NKAIN3: variants seen among roughly 807,000 people sequenced by gnomAD.
The protein encoded by NKAIN3 is sodium/potassium transporting ATPase interacting 3.
A neutral mutation model predicts 30.2 loss-of-function variants in NKAIN3; 25 were observed. The observed-to-expected ratio is 0.83, with a 90% CI of 0.60 to 1.16. NKAIN3 has a LOEUF of 1.16. Ranked by LOEUF, NKAIN3 falls within the 50% of genes most tolerant of loss-of-function variation. The pLI, the probability that NKAIN3 is intolerant of heterozygous loss-of-function variation, is 0.00. For synonymous variants in NKAIN3, 91 were observed against 89.6 expected (o/e 1.02, Z -0.09); for missense variants, 225 against 254.1 (o/e 0.89, Z 0.78).
chr8:62,292,886 G>A (rs1383504116), intron 1 of NKAIN3, among the ~76,000 whole-genome samples: 1 of 152,046 alleles, frequency 6.6e-6, no homozygotes, highest in Non-Finnish European at 1.5e-5. Context: ...CGTAGATTTG[G>A]TCTTTTCACA....
chr8:62,497,976 T>C (rs981520456), intron 1 of NKAIN3, among the ~76,000 whole-genome samples: 9 of 152,150 alleles, frequency 5.9e-5, no homozygotes, highest in African/African-American at 2.2e-4. Flanking sequence ...AACCCTCTCT[T>C]GCTGCTTAGT....
At chr8:62,911,037 C>T (rs1305822416) in intron 4 of NKAIN3, among the ~76,000 whole-genome samples, 2 of 152,008 alleles carry the variant, frequency 1.3e-5, no homozygotes, top group Admixed American at 6.6e-5. Flanking sequence ...GTCAAAGAGG[C>T]TAACAATATG....
intron 3 of NKAIN3, among the ~76,000 whole-genome samples, chr8:62,663,837 A>G (rs754351835): frequency 6.6e-6 from 1 of 152,208 alleles, no homozygotes; most frequent in Non-Finnish European, 1.5e-5. Context: ...ACAGTGCGTG[A>G]TGCCCAGATG....
intron 1 of NKAIN3, among the ~76,000 whole-genome samples, chr8:62,331,105 ATG>A (rs1554667829): frequency 2.0e-5 from 3 of 147,988 alleles, no homozygotes; most frequent in Non-Finnish European, 4.5e-5. Flanking sequence ...ATATATATAT[ATG>A]TATATATGTA....
chr8:62,305,687 C>T (rs1415824804), intron 1 of NKAIN3, among the ~76,000 whole-genome samples: 1 of 150,456 alleles, frequency 6.6e-6, no homozygotes, highest in African/African-American at 2.5e-5. Context: ...TCCAGGCCCT[C>T]CCTCTGGGCC....
chr8:62,496,741 T>A lies in NKAIN3; in HGVS notation c.55-82798T>A, dbSNP rs1376766. On this transcript the variant is annotated intron_variant, in intron 1 of 6. Transcript: ENST00000623646. ...CTATGAAGACCCGCTTTCAAAAAAA[T>A]GGAGCTAAAACGTGTTGTATAACAT... Among the ~76,000 whole-genome samples, 5 of 152,212 alleles carry A rather than the reference T, an allele frequency of 3.3e-5. No homozygotes were observed. The South Asian group carries it at 1.0e-3, about 32-fold the overall frequency.
chr8:62,577,542 T>G (rs1235892044), intron 1 of NKAIN3, among the ~76,000 whole-genome samples: 1 of 150,408 alleles, frequency 6.6e-6, no homozygotes, highest in Non-Finnish European at 1.5e-5. Flanking sequence ...TTTCCTTTTT[T>G]TTTTTTTTTT....
At position 62,919,753 on chromosome 8, in the gene NKAIN3, C is replaced by G. The variant is rs147059668; in HGVS notation, c.532+1240C>G. On this transcript the variant is annotated intron_variant, in intron 5 of 6. Transcript: ENST00000623646. ...GGTCTGATGAACGCTTCCCATCAAA[C>G]AGATGAGTGGTGCATGATATATGAG... Among the ~76,000 whole-genome samples the G allele has an allele frequency of 3.2e-4, 48 of 152,214 alleles. No homozygotes were observed. In the East Asian group the frequency reaches 8.5e-3, roughly 27 times the overall value.
intron 4 of NKAIN3, among the ~76,000 whole-genome samples, chr8:62,900,232 C>A (rs1821567622): frequency 1.7e-5 from 1 of 58,322 alleles, no homozygotes; most frequent in Admixed American, 1.9e-4. Flanking sequence ...TGACTCATAT[C>A]TTGTATTCTT....
Position 62,934,680 on chromosome 8 carries a change from G to A in NKAIN3, c.532+16167G>A, listed in dbSNP as rs1177094044. 3.3e-5 allele frequency among the ~76,000 whole-genome samples: 5 copies of A among 152,084 alleles called. No homozygotes were observed. In the East Asian group the frequency reaches 5.8e-4, roughly 18 times the overall value. On this transcript the variant is annotated intron_variant, in intron 5 of 6. Transcript: ENST00000623646. The stretch of plus-strand genomic sequence containing the variant: ...TCCTCACAGAATAACCAGAATAAGC[G>A]TATCAGTGAATCTAAAGGAATAACA...
intron 4 of NKAIN3, among the ~76,000 whole-genome samples, chr8:62,782,128 C>T (rs1439682067): frequency 6.6e-6 from 1 of 151,774 alleles, no homozygotes; most frequent in Non-Finnish European, 1.5e-5. Context: ...ATAGACATTT[C>T]TTAAAAGAAG....
intron 1 of NKAIN3, among the ~76,000 whole-genome samples, chr8:62,499,998 G>T (rs151227164): frequency 6.6e-6 from 1 of 152,072 alleles, no homozygotes; most frequent in Non-Finnish European, 1.5e-5. Flanking sequence ...AGGAAGATCA[G>T]ACCTAGCATT....
intron 1 of NKAIN3, among the ~76,000 whole-genome samples, chr8:62,408,434 C>G (rs1194031739): frequency 2.0e-5 from 3 of 151,948 alleles, no homozygotes; most frequent in Non-Finnish European, 4.4e-5. Context: ...ATGACTGTAC[C>G]CATCTCACTC....
At chr8:62,816,914 G>T (rs930276926) in intron 4 of NKAIN3, among the ~76,000 whole-genome samples, 2 of 152,112 alleles carry the variant, frequency 1.3e-5, no homozygotes, top group Non-Finnish European at 2.9e-5. Context: ...TCTGGGCTCA[G>T]GACCTGCAAG....
intron 3 of NKAIN3, among the ~76,000 whole-genome samples, chr8:62,598,596 C>T (rs907351677): frequency 6.6e-6 from 1 of 152,040 alleles, no homozygotes; most frequent in Non-Finnish European, 1.5e-5. Context: ...TACATAGGGG[C>T]AGTGCAGATG....
intron 1 of NKAIN3, among the ~76,000 whole-genome samples, chr8:62,321,426 C>A (rs914456940): frequency 6.6e-6 from 1 of 152,174 alleles, no homozygotes; most frequent in Non-Finnish European, 1.5e-5. Context: ...GAGTTTCCAG[C>A]TTTTCTGCTC....
Position 62,973,876 on chromosome 8 carries a change from T to C in NKAIN3, c.*8469T>C, listed in dbSNP as rs940766608. ...AGGAAGGGGTCCAGTTTCAGTTTTC[T>C]GCGTATGGCTAGCTAATTTTCCCAG... On this transcript the variant is annotated 3_prime_UTR_variant, in exon 7 of 7. Transcript: ENST00000623646. Among the ~76,000 whole-genome samples, 3 of 152,230 alleles carry C rather than the reference T, an allele frequency of 2.0e-5. No homozygotes were observed. Among genetic ancestry groups the C allele is most frequent in the Non-Finnish European group, 4.4e-5 (3 of 68,046 alleles).
chr8:62,916,997 C>T (rs1725521193), intron 4 of NKAIN3, among the ~76,000 whole-genome samples: 2 of 151,940 alleles, frequency 1.3e-5, no homozygotes, highest in Non-Finnish European at 2.9e-5. Context: ...CCCTGGTTTG[C>T]CACTTTGCAC....
At position 62,757,778 on chromosome 8, in the gene NKAIN3, G is replaced by A. The variant is rs139821433; in HGVS notation, c.471+10649G>A. ...CAGTGCCCTTTGGCTTGAGCAAAGTGTTTATGAACAGAAGTAGTGGCTTAA... is the reference window on the plus strand; with the variant it reads ...CAGTGCCCTTTGGCTTGAGCAAAGTATTTATGAACAGAAGTAGTGGCTTAA... On this transcript the variant is annotated intron_variant, in intron 4 of 6. Coordinates refer to ENST00000623646, the MANE Select transcript of NKAIN3 (RefSeq NM_001304533.3). Among the ~76,000 whole-genome samples the A allele has an allele frequency of 6.6e-4, 101 of 152,322 alleles. 1 individual carries two copies. In the Middle Eastern group the frequency reaches 0.01, roughly 15 times the overall value.
Sources: gnomAD v4.1 joint callset for allele counts (sites outside exome capture counted in the v4.1 genomes callset) on GRCh38, gnomAD v4.1.1 for gene constraint, MANE v1.5 for transcripts, NCBI Gene and HGNC (gene_info 2026-07-23, HGNC 2026-07-21) for gene names.